The following SCLT1 variants were observed in gnomAD, a reference collection of about 807,000 sequenced individuals.
SCLT1 encodes the protein sodium channel and clathrin linker 1.
In SCLT1, 78 loss-of-function variants were observed where a neutral mutation model predicts 112.8. That is an observed-to-expected ratio of 0.69 (90% CI 0.58 to 0.83). The LOEUF is 0.83. Among genes scored for constraint, SCLT1 ranks in the 40% least tolerant of loss-of-function variants. The pLI is 0.00. For synonymous variants in SCLT1, 257 were observed against 254.7 expected (o/e 1.01, Z -0.09); for missense variants, 747 against 770.4 (o/e 0.97, Z 0.36).
chr4:129,002,377 C>T (rs1387916737), intron 6 of SCLT1, among the ~76,000 whole-genome samples: 3 of 151,654 alleles, frequency 2.0e-5, no homozygotes, highest in Non-Finnish European at 2.9e-5. Flanking sequence ...CATAGCTGCT[C>T]AAAGATTCTA....
intron 5 of SCLT1, among the ~76,000 whole-genome samples, chr4:129,009,684 T>C (rs762432677): frequency 2.8e-4 from 43 of 152,294 alleles, no homozygotes; most frequent in South Asian, 6.2e-4. Flanking sequence ...TGGTATCTCA[T>C]TGTGGTTTTG....
chr4:129,044,073 A>G (rs372955919), intron 2 of SCLT1, 22 bp from the exon 3 acceptor site: 6 of 1,387,858 alleles, frequency 4.3e-6, no homozygotes, highest in Non-Finnish European at 6.1e-6. Flanking sequence ...TGTACATCTT[A>G]AAATGTGTTC....
chr4:128,880,097 T>G (rs890116439), downstream of SCLT1, among the ~76,000 whole-genome samples: 1 of 152,208 alleles, frequency 6.6e-6, no homozygotes, highest in Non-Finnish European at 1.5e-5. Context: ...AGATTACATC[T>G]GGAAAATATG....
intron 5 of SCLT1, among the ~76,000 whole-genome samples, chr4:129,022,523 G>A (rs11737749): frequency 0.027 from 4,070 of 152,156 alleles, 82 homozygotes; most frequent in Non-Finnish European, 0.034. Flanking sequence ...TAGCCAAATC[G>A]ATCAAATGGA....
chr4:129,040,292 G>C lies in SCLT1; in HGVS notation c.235-1196C>G, dbSNP rs1747587083. The C allele has an allele frequency of 6.0e-6, 4 of 672,136 alleles. No homozygotes were observed. In the East Asian group the frequency reaches 1.1e-4, roughly 18 times the overall value. 41.6% of individuals were successfully genotyped at this position (672,136 alleles called of 1,614,324 possible). A position where few individuals can be genotyped will look rare whatever the true frequency, so the allele number is the denominator to read the frequency against. ...GACCATATATGGACTGATACAGTGA[G>C]AGATAAAATTGGAAAGACAGGTACA... is the stretch of plus-strand genomic sequence containing the variant. On this transcript the variant is annotated intron_variant, in intron 4 of 20. Transcript: ENST00000281142.
At chr4:129,082,182 T>C (rs1172571779) in intron 2 of SCLT1, 124 bp downstream of exon 2, 1 of 433,096 alleles carries the variant, frequency 2.3e-6, no homozygotes, top group African/African-American at 2.0e-5. Flanking sequence ...TGTCAAAAGA[T>C]TTACTTTCAT....
rs1253613165 is a variant in SCLT1 at position 129,075,585 on chromosome 4, T to C, written c.102+6721A>G. ...TTAAATCTAAATTTTATTCATTTAATATGAAAATTAAATAAAACATTCATT... is the reference window on the plus strand; with the variant it reads ...TTAAATCTAAATTTTATTCATTTAACATGAAAATTAAATAAAACATTCATT... On this transcript the variant is annotated intron_variant, in intron 2 of 20. Coordinates refer to ENST00000281142, the MANE Select transcript of SCLT1 (RefSeq NM_144643.4). 1.1e-4 allele frequency among the ~76,000 whole-genome samples: 17 copies of C among 152,304 alleles called. No homozygotes were observed. The East Asian group carries it at 3.3e-3, about 29-fold the overall frequency.
intron 9 of SCLT1, among the ~76,000 whole-genome samples, chr4:128,982,894 G>A (rs540298591): frequency 6.6e-6 from 1 of 151,588 alleles, no homozygotes; most frequent in African/African-American, 2.4e-5. Flanking sequence ...AGTCTTTTTT[G>A]TTTGTTTGTT....
intron 9 of SCLT1, among the ~76,000 whole-genome samples, chr4:128,980,985 T>C (rs1741596362): frequency 6.6e-6 from 1 of 152,144 alleles, no homozygotes; most frequent in South Asian, 2.1e-4. Flanking sequence ...TAAAGTGTAA[T>C]TTAATTATTT....
At chr4:129,028,800 G>C (rs1474387480) in intron 5 of SCLT1, among the ~76,000 whole-genome samples, 2 of 151,702 alleles carry the variant, frequency 1.3e-5, no homozygotes, top group Non-Finnish European at 2.9e-5. Context: ...CTAATATCCA[G>C]AATCTACAAT....
chr4:128,960,924 C>T (rs1300868487), intron 11 of SCLT1, among the ~76,000 whole-genome samples: 1 of 23,592 alleles, frequency 4.2e-5, no homozygotes, highest in Non-Finnish European at 6.2e-5. Flanking sequence ...GAGACTCCGT[C>T]TCAAAAAAAA....
At chr4:129,035,990 A>C (rs2126153817) in intron 5 of SCLT1, among the ~76,000 whole-genome samples, 2 of 152,186 alleles carry the variant, frequency 1.3e-5, no homozygotes, top group Middle Eastern at 3.4e-3. Context: ...GAAATTGTAT[A>C]CTTTTACATA....
intron 18 of SCLT1, among the ~76,000 whole-genome samples, chr4:128,891,903 C>T (rs1354089206): frequency 1.3e-5 from 2 of 152,072 alleles, no homozygotes; most frequent in African/African-American, 4.8e-5. Flanking sequence ...CCTCGGCCTC[C>T]CAAAGTGCTG....
chr4:128,958,556 G>A (rs12171333), intron 12 of SCLT1, among the ~76,000 whole-genome samples: 37,183 of 152,072 alleles, frequency 0.24, 5,529 homozygotes, highest in African/African-American at 0.41. Context: ...TGTCCACTGT[G>A]CTCTACACAA....
intron 5 of SCLT1, among the ~76,000 whole-genome samples, chr4:129,034,120 C>T (rs1451403698): frequency 6.6e-6 from 1 of 151,976 alleles, no homozygotes; most frequent in African/African-American, 2.4e-5. Flanking sequence ...ATAAACACAT[C>T]AATTTGAAGG....
At chr4:129,081,754 T>C (rs1395223159) in intron 2 of SCLT1, among the ~76,000 whole-genome samples, 1 of 152,194 alleles carries the variant, frequency 6.6e-6, no homozygotes, top group Non-Finnish European at 1.5e-5. Flanking sequence ...TAAGTTCTAA[T>C]TATAAAATGC....
At chr4:129,069,882 C>G (rs979865297) in intron 2 of SCLT1, among the ~76,000 whole-genome samples, 1 of 152,102 alleles carries the variant, frequency 6.6e-6, no homozygotes, top group Non-Finnish European at 1.5e-5. Flanking sequence ...TATTAGTTGG[C>G]TGTGGGTTTG....
chr4:128,957,072 G>A lies in SCLT1; in HGVS notation c.1100C>T (p.Thr367Ile). 1.2e-6 allele frequency: 2 copies of A among 1,602,006 alleles called. No homozygotes were observed. The highest frequency in any genetic ancestry group is 1.7e-6 in the Non-Finnish European group (2 of 1,172,840). The change falls in exon 13 of 21, where the codon ACA (threonine) becomes ATA (isoleucine). Residue 367 changes from threonine (T) to isoleucine (I), a missense_variant. Thr to Ile is a moderately conservative substitution (Grantham distance 89). This residue lies in a region of SCLT1 where 723 missense variants were observed against 721.3 expected (regional missense o/e 1.00). Transcript: ENST00000281142. ...KEEDIEKMKE[T>I]VSRFVQDATI... is the part of the protein sequence containing the mutation. ...AGCATCTTGTACAAACCGAGAAACT[G>A]TCTCTTTCATTTTCTCTATGTCTTC...
chr4:128,895,151 T>C (rs1483491834), intron 18 of SCLT1, among the ~76,000 whole-genome samples: 1 of 152,178 alleles, frequency 6.6e-6, no homozygotes, highest in African/African-American at 2.4e-5. Context: ...CAATATCAGG[T>C]GAAACAATAT....
Sources: gnomAD v4.1 joint callset for allele counts (sites outside exome capture counted in the v4.1 genomes callset) on GRCh38, gnomAD v4.1.1 for gene constraint, gnomAD v4.1.1 regional missense constraint, MANE v1.5 for transcripts, NCBI Gene and HGNC (gene_info 2026-07-23, HGNC 2026-07-21) for gene names.